Variants in NEK11 observed in about 807,000 individuals in gnomAD.
The protein encoded by NEK11 is NIMA related kinase 11, also known as serine/threonine-protein kinase Nek11.
A neutral mutation model predicts 80.7 loss-of-function variants in NEK11; 72 were observed. That is an observed-to-expected ratio of 0.89 (90% CI 0.74 to 1.08). The LOEUF (loss-of-function observed/expected upper bound fraction) is 1.08. Ranked by LOEUF, NEK11 falls within the 50% of genes least tolerant of loss-of-function variation. The pLI, the probability that NEK11 is intolerant of heterozygous loss-of-function variation, is 0.00. For missense variants in NEK11, 764 were observed against 763.6 expected, an observed-to-expected ratio of 1.00 and a Z score of -0.01; for synonymous variants, 251 against 260.7, an observed-to-expected ratio of 0.96 and a Z score of 0.36.
At chr3:131,234,022 A>C (rs747276054) in intron 15 of NEK11, among the ~76,000 whole-genome samples, 2 of 152,238 alleles carry the variant, frequency 1.3e-5, no homozygotes, top group Non-Finnish European at 1.5e-5. Flanking sequence ...CTGCACAACA[A>C]TTAGAATTGC....
rs952570042 is a variant in NEK11 at position 131,132,613 on chromosome 3, A to C, written c.456-132A>C. On this transcript the variant is annotated intron_variant, in intron 5 of 17. Coordinates refer to ENST00000383366, the MANE Select transcript of NEK11 (RefSeq NM_024800.5). ...AAAGTATTGTGGCTTTGTAGCTTTT[A>C]AACATTGAAAGATATATCTATGGGA... The C allele has an allele frequency of 1.3e-5, 7 of 537,530 alleles. No homozygotes were observed. The African/African-American group carries it at 1.4e-4, about 11-fold the overall frequency. The allele number at this position is 537,530 out of a possible 1,614,324, so 33.3% of individuals were successfully genotyped here.
At chr3:131,285,034 CCTATT>C (rs2096454087) in intron 17 of NEK11, among the ~76,000 whole-genome samples, 1 of 152,194 alleles carries the variant, frequency 6.6e-6, no homozygotes, top group African/African-American at 2.4e-5. Context: ...AAAATGTACT[CCTATT>C]CATCCAAATC....
chr3:131,324,046 ATAAT>A (rs1217408459), intron 17 of NEK11, among the ~76,000 whole-genome samples: 1 of 152,238 alleles, frequency 6.6e-6, no homozygotes. Flanking sequence ...AGCATGAAAC[ATAAT>A]TAAACAGGCA....
intron 10 of NEK11, among the ~76,000 whole-genome samples, chr3:131,159,077 C>T (rs1378324882): frequency 6.6e-6 from 1 of 152,184 alleles, no homozygotes; most frequent in Non-Finnish European, 1.5e-5. Context: ...ACTGAATCCA[C>T]CTTATAACAC....
chr3:131,063,710 G>A (rs2071345143), intron 3 of NEK11, among the ~76,000 whole-genome samples: 1 of 152,118 alleles, frequency 6.6e-6, no homozygotes, highest in South Asian at 2.1e-4. Context: ...TGACATAAAA[G>A]TAGTATTTGA....
chr3:131,139,583 G>T (rs2086420369), intron 7 of NEK11, among the ~76,000 whole-genome samples: 1 of 152,188 alleles, frequency 6.6e-6, no homozygotes. Flanking sequence ...AATAAATGAT[G>T]TGGCAAATTC....
intron 11 of NEK11, among the ~76,000 whole-genome samples, chr3:131,164,350 G>A (rs868122121): frequency 3.9e-4 from 60 of 152,320 alleles, no homozygotes; most frequent in African/African-American, 1.4e-3. Flanking sequence ...CTGCTCTTGA[G>A]CCAATACAAG....
intron 17 of NEK11, among the ~76,000 whole-genome samples, chr3:131,284,041 G>A (rs1014005969): frequency 2.0e-5 from 3 of 152,188 alleles, no homozygotes; most frequent in Non-Finnish European, 1.5e-5. Flanking sequence ...TTACAACCTA[G>A]CTAGGGAAAC....
At chr3:131,316,306 TTTTC>T (rs1377029639) in intron 17 of NEK11, among the ~76,000 whole-genome samples, 1 of 152,166 alleles carries the variant, frequency 6.6e-6, no homozygotes, top group Non-Finnish European at 1.5e-5. Flanking sequence ...TATTAGAAAC[TTTTC>T]TTGTGTGTCC....
chr3:131,193,850 C>G (rs1246326533), intron 14 of NEK11, among the ~76,000 whole-genome samples: 1 of 152,110 alleles, frequency 6.6e-6, no homozygotes, highest in Non-Finnish European at 1.5e-5. Context: ...ATGAATCAGC[C>G]AAATGCCTGG....
chr3:131,326,840 A>G (rs1395525541), intron 17 of NEK11, among the ~76,000 whole-genome samples: 5 of 152,182 alleles, frequency 3.3e-5, no homozygotes, highest in Admixed American at 3.3e-4. Flanking sequence ...CTTAATCTTC[A>G]TTGAGGTAGT....
At chr3:131,328,371 A>G (rs1225866696) in intron 17 of NEK11, 1 of 152,180 alleles carries the variant, frequency 6.6e-6, no homozygotes, top group Non-Finnish European at 1.5e-5. Flanking sequence ...TGCTAAATGA[A>G]TGACTTAGGT....
chr3:131,145,184 T>C, intron 7 of NEK11, among the ~76,000 whole-genome samples: 1 of 152,036 alleles, frequency 6.6e-6, no homozygotes, highest in Non-Finnish European at 1.5e-5. Flanking sequence ...ATTTTTATTT[T>C]TTGTAGAGAT....
At chr3:131,206,704 T>C (rs1440576771) in intron 14 of NEK11, among the ~76,000 whole-genome samples, 5 of 152,230 alleles carry the variant, frequency 3.3e-5, no homozygotes, top group Non-Finnish European at 7.3e-5. Context: ...AGTTCTAGGG[T>C]ACATGTGCAC....
intron 17 of NEK11, among the ~76,000 whole-genome samples, chr3:131,301,995 CTTG>C (rs2096666242): frequency 6.6e-6 from 1 of 151,938 alleles, no homozygotes. Flanking sequence ...GGGACTTTTT[CTTG>C]TTGGTAGGCT....
intron 4 of NEK11, among the ~76,000 whole-genome samples, chr3:131,098,646 G>A (rs1280333722): frequency 1.3e-5 from 2 of 148,802 alleles, no homozygotes; most frequent in Admixed American, 6.8e-5. Context: ...CGCAATCTCC[G>A]CTCACTGAAA....
chr3:131,188,142 T>G (rs192864609), intron 14 of NEK11, among the ~76,000 whole-genome samples: 1 of 152,266 alleles, frequency 6.6e-6, no homozygotes, highest in Non-Finnish European at 1.5e-5. Flanking sequence ...TAATGAGCTG[T>G]TTCTTACATA....
At chr3:131,181,745 CAAAAAAAAAAA>C in intron 14 of NEK11, among the ~76,000 whole-genome samples, 1 of 83,124 alleles carries the variant, frequency 1.2e-5, no homozygotes, top group South Asian at 4.7e-4. Context: ...GACTCCGCCT[CAAAAAAAAAAA>C]AAAAAAAAAA....
chr3:131,056,510 C>T (rs1292713956), intron 3 of NEK11, among the ~76,000 whole-genome samples: 2 of 152,186 alleles, frequency 1.3e-5, no homozygotes, highest in East Asian at 3.9e-4. Flanking sequence ...ATTTTGGTTT[C>T]TCCTGGGGAG....
Sources: gnomAD v4.1 joint callset for allele counts (sites outside exome capture counted in the v4.1 genomes callset) on GRCh38, gnomAD v4.1.1 for gene constraint, MANE v1.5 for transcripts, NCBI Gene and HGNC (gene_info 2026-07-23, HGNC 2026-07-21) for gene names.